ZBTB20: variants seen among roughly 807,000 people sequenced by gnomAD.
The protein encoded by ZBTB20 is zinc finger and BTB domain-containing protein 20.
ZBTB20 carries 9 observed loss-of-function variants against 56.9 expected under a neutral mutation model. The observed-to-expected ratio is 0.16, with a 90% CI of 0.10 to 0.28. The LOEUF (loss-of-function observed/expected upper bound fraction) is 0.28, where lower values mean the gene tolerates loss of function less well. Among genes scored for constraint, ZBTB20 ranks in the 10% least tolerant of loss-of-function variants. ZBTB20 has a pLI of 1.00. For missense variants in ZBTB20, 655 were observed against 1,003.0 expected (o/e 0.65, Z 4.69); for synonymous variants, 417 against 420.7 (o/e 0.99, Z 0.11).
intron 3 of ZBTB20, among the ~76,000 whole-genome samples, chr3:114,961,313 T>C (rs1352151572): frequency 6.6e-6 from 1 of 152,032 alleles, no homozygotes; most frequent in African/African-American, 2.4e-5. Flanking sequence ...AAAAGGCATC[T>C]GGTTTGCAGT....
Position 114,752,123 on chromosome 3 carries a change from G to C in ZBTB20, c.-343+48978C>G, listed in dbSNP as rs1376376614. Among the ~76,000 whole-genome samples, 4 of 152,142 alleles carry C rather than the reference G, an allele frequency of 2.6e-5. No homozygotes were observed. The East Asian group carries it at 7.7e-4, about 29-fold the overall frequency. ...ATTAATTTCTCAAAATATTACATGA[G>C]GTAAGTACCGTAAATCCAATTTAAC... On this transcript the variant is annotated intron_variant, in intron 5 of 11. Transcript: ENST00000675478.
At chr3:114,452,823 C>T (rs2091713002) in intron 7 of ZBTB20, among the ~76,000 whole-genome samples, 1 of 152,026 alleles carries the variant, frequency 6.6e-6, no homozygotes, top group African/African-American at 2.4e-5. Context: ...AAACAGTTAT[C>T]TGTAGTTAGG....
intron 2 of ZBTB20, among the ~76,000 whole-genome samples, chr3:115,067,737 A>G (rs2082260070): frequency 6.6e-6 from 1 of 152,152 alleles, no homozygotes; most frequent in African/African-American, 2.4e-5. Flanking sequence ...GCACATGCAC[A>G]TGCACTTGAA....
intron 4 of ZBTB20, among the ~76,000 whole-genome samples, chr3:114,850,362 G>A (rs2074939455): frequency 6.6e-6 from 1 of 152,144 alleles, no homozygotes; most frequent in South Asian, 2.1e-4. Context: ...TAGATGGTGT[G>A]TTCATAGCGA....
intron 5 of ZBTB20, among the ~76,000 whole-genome samples, chr3:114,751,823 T>C (rs1338882328): frequency 6.6e-6 from 1 of 152,160 alleles, no homozygotes; most frequent in Non-Finnish European, 1.5e-5. Context: ...CTAAATCGTA[T>C]TACAATTTTC....
chr3:114,617,180 T>C (rs904432510), intron 6 of ZBTB20, among the ~76,000 whole-genome samples: 1 of 152,232 alleles, frequency 6.6e-6, no homozygotes, highest in Non-Finnish European at 1.5e-5. Flanking sequence ...TGCCACAAGA[T>C]GAAGTTAAAA....
chr3:114,357,193 C>T (rs1334180006), intron 10 of ZBTB20: 1 of 152,152 alleles, frequency 6.6e-6, no homozygotes, highest in African/African-American at 2.4e-5. Context: ...TGTGGAGGAA[C>T]CATCAAGGAT....
At chr3:114,754,015 C>T (rs2067810195) in intron 5 of ZBTB20, among the ~76,000 whole-genome samples, 1 of 152,152 alleles carries the variant, frequency 6.6e-6, no homozygotes, top group Non-Finnish European at 1.5e-5. Context: ...TTGTCATGTT[C>T]CTCAGACCAC....
chr3:114,459,813 T>C (rs2092242271), intron 7 of ZBTB20, among the ~76,000 whole-genome samples: 1 of 152,144 alleles, frequency 6.6e-6, no homozygotes. Context: ...ACTATTTTTA[T>C]AGCAAGAAGT....
chr3:115,038,082 T>C (rs1482380560), intron 2 of ZBTB20, among the ~76,000 whole-genome samples: 1 of 152,330 alleles, frequency 6.6e-6, no homozygotes, highest in East Asian at 1.9e-4. Context: ...TAAAAAGTTA[T>C]AGTCACAGGT....
In ZBTB20 at chr3:114,315,574, T is replaced by A. The variant is rs1014871987; in HGVS notation, c.*23431A>T. 19 of 142,322 alleles carry A rather than the reference T, an allele frequency of 1.3e-4. No homozygotes were observed. The highest frequency in any genetic ancestry group is 3.5e-4 in the Admixed American group (5 of 14,266). The allele number at this position is 142,322 out of a possible 1,614,324, so 8.8% of individuals were successfully genotyped here. A position where few individuals can be genotyped will look rare whatever the true frequency, so the allele number is the denominator to read the frequency against. On this transcript the variant is annotated 3_prime_UTR_variant, in exon 12 of 12. Coordinates refer to ENST00000675478, the MANE Select transcript of ZBTB20 (RefSeq NM_001348800.3). Reference sequence around the variant, plus strand: ...ATTTTAGGTCTAAACATACAGTGTGTGTGTGTGTGTGTGTGTGTGTGTGTG... The same window carrying A: ...ATTTTAGGTCTAAACATACAGTGTGAGTGTGTGTGTGTGTGTGTGTGTGTG...
chr3:114,376,557 G>A (rs1168731232), intron 10 of ZBTB20, among the ~76,000 whole-genome samples: 4 of 152,176 alleles, frequency 2.6e-5, no homozygotes. Context: ...TTGGGAGGGG[G>A]AGGCCAAGGA....
intron 3 of ZBTB20, among the ~76,000 whole-genome samples, chr3:114,912,217 A>G (rs573766049): frequency 6.6e-6 from 1 of 151,366 alleles, no homozygotes; most frequent in Non-Finnish European, 1.5e-5. Context: ...ACATAACCAG[A>G]CAAAGGAAAA....
intron 6 of ZBTB20, among the ~76,000 whole-genome samples, chr3:114,544,407 TTCTTTCTTTCTTTCTTTC>T (rs958358383): frequency 4.4e-4 from 1 of 2,248 alleles, no homozygotes; most frequent in Non-Finnish European, 8.9e-4. Context: ...ACTAGATTTC[TTCTTTCTTTCTTTCTTTC>T]TTTCTTTCTT....
chr3:114,604,666 G>A (rs866353632), intron 6 of ZBTB20, among the ~76,000 whole-genome samples: 1 of 151,930 alleles, frequency 6.6e-6, no homozygotes, highest in South Asian at 2.1e-4. Flanking sequence ...CAATATCTGG[G>A]TAAACGTGGT....
chr3:114,984,730 T>C (rs1348045848), intron 2 of ZBTB20, among the ~76,000 whole-genome samples: 1 of 152,012 alleles, frequency 6.6e-6, no homozygotes, highest in Non-Finnish European at 1.5e-5. Context: ...ACATTTATGT[T>C]TAGAAAAGAC....
rs1288346109 is a variant in ZBTB20, at chr3:114,856,618, T to G, written c.-417+43686A>C. Among the ~76,000 whole-genome samples the G allele has an allele frequency of 3.9e-5, 6 of 152,166 alleles. No individual in the cohort carries two copies. In the East Asian group the frequency reaches 1.2e-3, roughly 29 times the overall value. ...CCCTAATGAATTATTGTGTTCAAGGTTCTTACAAAAAAAAAGTAATATTAT... is the reference window on the plus strand; with the variant it reads ...CCCTAATGAATTATTGTGTTCAAGGGTCTTACAAAAAAAAAGTAATATTAT... On this transcript the variant is annotated intron_variant, in intron 4 of 11. Coordinates refer to ENST00000675478, the MANE Select transcript of ZBTB20 (RefSeq NM_001348800.3).
At chr3:114,880,929 T>G (rs931492007) in intron 4 of ZBTB20, among the ~76,000 whole-genome samples, 2 of 152,154 alleles carry the variant, frequency 1.3e-5, no homozygotes, top group Non-Finnish European at 2.9e-5. Flanking sequence ...GTGATTTTCT[T>G]GTCTTCTTTC....
chr3:115,020,038 G>A (rs1011826741), intron 2 of ZBTB20, among the ~76,000 whole-genome samples: 1 of 151,166 alleles, frequency 6.6e-6, no homozygotes, highest in Non-Finnish European at 1.5e-5. Context: ...CAGCATGATT[G>A]GAAATGAAGT....
Sources: gnomAD v4.1 joint callset for allele counts (sites outside exome capture counted in the v4.1 genomes callset) on GRCh38, gnomAD v4.1.1 for gene constraint, MANE v1.5 for transcripts, NCBI Gene and HGNC (gene_info 2026-07-23, HGNC 2026-07-21) for gene names.